ITFG1: variants seen among roughly 807,000 people sequenced by gnomAD.
ITFG1 encodes integrin alpha FG-GAP repeat containing 1.
A neutral mutation model predicts 81.8 loss-of-function variants in ITFG1; 34 were observed. That is an observed-to-expected ratio of 0.42 (90% CI 0.32 to 0.55). ITFG1 has a LOEUF of 0.55. ITFG1 is among the 20% of genes least tolerant of loss of function. The pLI is 0.17. For missense variants in ITFG1, 672 were observed against 755.4 expected (o/e 0.89, Z 1.29); for synonymous variants, 285 against 270.6 (o/e 1.05, Z -0.52).
intron 2 of ITFG1, among the ~76,000 whole-genome samples, chr16:47,455,502 C>G (rs1341429810): frequency 6.6e-6 from 1 of 151,734 alleles, no homozygotes; most frequent in Non-Finnish European, 1.5e-5. Context: ...GTGGTTCACG[C>G]CTGTAATCCC....
chr16:47,459,285 T>C (rs999393847), intron 1 of ITFG1, 110 bp from the exon 2 acceptor site: 3 of 704,730 alleles, frequency 4.3e-6, no homozygotes, highest in Non-Finnish European at 7.5e-6. Context: ...ACTTTTATTC[T>C]ACTCCAGTTC....
Position 47,197,879 on chromosome 16 carries a change from G to A in ITFG1, c.1453+20989C>T, listed in dbSNP as rs185234675. On this transcript the variant is annotated intron_variant, in intron 14 of 17. Coordinates refer to ENST00000320640, the MANE Select transcript of ITFG1 (RefSeq NM_030790.5). ...GGGATCTTTTTTGTTTCTTCATCATGAGAACTACATGACAAAATAATTTTC... is the reference window on the plus strand; with the variant it reads ...GGGATCTTTTTTGTTTCTTCATCATAAGAACTACATGACAAAATAATTTTC... Among the ~76,000 whole-genome samples, 32 of 152,286 alleles carry A rather than the reference G, an allele frequency of 2.1e-4. No individual in the cohort carries two copies. In the East Asian group the frequency reaches 5.8e-3, roughly 28 times the overall value.
chr16:47,451,668 G>A (rs778700339), intron 4 of ITFG1, among the ~76,000 whole-genome samples, 198 bp from the exon 5 acceptor site: 20 of 152,110 alleles, frequency 1.3e-4, no homozygotes, highest in Non-Finnish European at 2.4e-4. Flanking sequence ...TCTGTTACCA[G>A]CCCCTCCAGC....
chr16:47,442,623 C>G (rs1969268131), intron 5 of ITFG1, among the ~76,000 whole-genome samples: 2 of 152,236 alleles, frequency 1.3e-5, no homozygotes. Context: ...TGATCTTTGA[C>G]AAACCTGACA....
intron 6 of ITFG1, among the ~76,000 whole-genome samples, chr16:47,416,659 T>C (rs1169328060): frequency 6.6e-6 from 1 of 152,158 alleles, no homozygotes; most frequent in Non-Finnish European, 1.5e-5. Context: ...GAGCCTGGCA[T>C]TCCCCCCTCT....
chr16:47,428,378 C>T (rs1442837477), intron 6 of ITFG1, among the ~76,000 whole-genome samples: 2 of 152,042 alleles, frequency 1.3e-5, no homozygotes, highest in East Asian at 3.9e-4. Flanking sequence ...TTATAATATT[C>T]TGTCCAATTT....
chr16:47,271,381 A>G (rs1966338162), intron 10 of ITFG1, among the ~76,000 whole-genome samples: 1 of 152,244 alleles, frequency 6.6e-6, no homozygotes, highest in African/African-American at 2.4e-5. Context: ...ATCATTAGCC[A>G]TTAGACAACT....
At chr16:47,250,744 T>C (rs914135134) in intron 12 of ITFG1, among the ~76,000 whole-genome samples, 10 of 152,244 alleles carry the variant, frequency 6.6e-5, no homozygotes, top group African/African-American at 2.4e-4. Context: ...TCTTAAAGGA[T>C]ACTGAATAGG....
intron 8 of ITFG1, among the ~76,000 whole-genome samples, chr16:47,323,993 C>G (rs1163239840): frequency 2.0e-5 from 3 of 152,104 alleles, no homozygotes; most frequent in African/African-American, 7.2e-5. Flanking sequence ...AAATTATAAT[C>G]ATTTTAGCTT....
At chr16:47,259,600 C>A (rs538329107) in intron 11 of ITFG1, among the ~76,000 whole-genome samples, 30 of 152,024 alleles carry the variant, frequency 2.0e-4, no homozygotes, top group East Asian at 9.6e-4. Flanking sequence ...AAAATAAAAT[C>A]AAAAATGGGG....
chr16:47,368,884 A>G (rs1272425699), intron 7 of ITFG1, among the ~76,000 whole-genome samples: 1 of 152,180 alleles, frequency 6.6e-6, no homozygotes, highest in Non-Finnish European at 1.5e-5. Context: ...CCCACTTCCA[A>G]TTGCTGGAGG....
intron 8 of ITFG1, among the ~76,000 whole-genome samples, chr16:47,336,808 TA>T (rs937299058): frequency 6.6e-6 from 1 of 150,774 alleles, no homozygotes; most frequent in Non-Finnish European, 1.5e-5. Flanking sequence ...ACTAAAAATA[TA>T]AAAATTAGCC....
At chr16:47,348,649 C>G (rs925866639) in intron 8 of ITFG1, among the ~76,000 whole-genome samples, 12 of 152,138 alleles carry the variant, frequency 7.9e-5, no homozygotes, top group African/African-American at 1.2e-4. Context: ...GGATATTATC[C>G]AGGAGAACTT....
intron 14 of ITFG1, among the ~76,000 whole-genome samples, chr16:47,164,888 G>A (rs947778273): frequency 6.6e-6 from 1 of 152,240 alleles, no homozygotes. Flanking sequence ...GTTGAGAAGG[G>A]GGGCAGGATG....
chr16:47,215,979 A>G (rs1050924292), intron 14 of ITFG1, among the ~76,000 whole-genome samples: 1 of 152,174 alleles, frequency 6.6e-6, no homozygotes, highest in African/African-American at 2.4e-5. Flanking sequence ...TTTCTACTCC[A>G]ATCTAGAAAC....
intron 6 of ITFG1, among the ~76,000 whole-genome samples, chr16:47,427,810 G>A (rs569020953): frequency 3.3e-4 from 51 of 152,302 alleles, no homozygotes; most frequent in African/African-American, 1.2e-3. Context: ...TGGGCATTTT[G>A]AATAATGACT....
chr16:47,367,969 G>A (rs1968198631), intron 7 of ITFG1, among the ~76,000 whole-genome samples: 1 of 152,180 alleles, frequency 6.6e-6, no homozygotes, highest in South Asian at 2.1e-4. Context: ...CCAGCGCAGT[G>A]GCTCATGCCT....
chr16:47,369,931 C>T (rs573199316), intron 7 of ITFG1, among the ~76,000 whole-genome samples: 5 of 147,904 alleles, frequency 3.4e-5, no homozygotes, highest in Admixed American at 7.0e-5. Context: ...CTCCACTTCC[C>T]GGGTTCACGC....
At chr16:47,452,852 T>C (rs1969406741) in intron 3 of ITFG1, 62 bp from the exon 4 acceptor site, 2 of 833,566 alleles carry the variant, frequency 2.4e-6, no homozygotes, top group Non-Finnish European at 3.7e-6. Flanking sequence ...TTGATATCTA[T>C]GCTTAGGAAA....
Sources: gnomAD v4.1 joint callset for allele counts (sites outside exome capture counted in the v4.1 genomes callset) on GRCh38, gnomAD v4.1.1 for gene constraint, MANE v1.5 for transcripts, NCBI Gene and HGNC (gene_info 2026-07-23, HGNC 2026-07-21) for gene names.